MAGI1: variants seen among roughly 807,000 people sequenced by gnomAD.
The protein encoded by MAGI1 is membrane associated guanylate kinase, WW and PDZ domain containing 1.
In MAGI1, 58 loss-of-function variants were observed where a neutral mutation model predicts 139.9. That is an observed-to-expected ratio of 0.41 (90% CI 0.34 to 0.52). The LOEUF is 0.52. MAGI1 is among the 20% of genes least tolerant of loss of function. The pLI is 0.12. For missense variants in MAGI1, 1,874 were observed against 1,901.6 expected, an observed-to-expected ratio of 0.99 and a Z score of 0.27; for synonymous variants, 812 against 737.9, an observed-to-expected ratio of 1.10 and a Z score of -1.63.
At chr3:65,422,234 A>T (rs554887108) in intron 12 of MAGI1, among the ~76,000 whole-genome samples, 2 of 152,306 alleles carry the variant, frequency 1.3e-5, no homozygotes, top group South Asian at 4.2e-4. Flanking sequence ...ATCTTACATA[A>T]TTTTAATCAT....
At chr3:65,931,629 A>G (rs940235599) in intron 1 of MAGI1, among the ~76,000 whole-genome samples, 1 of 152,174 alleles carries the variant, frequency 6.6e-6, no homozygotes, top group Non-Finnish European at 1.5e-5. Flanking sequence ...GTGCTACTGC[A>G]CTCTAGCCCA....
intron 2 of MAGI1, among the ~76,000 whole-genome samples, chr3:65,597,264 T>G (rs998346104): frequency 3.8e-5 from 2 of 52,994 alleles, no homozygotes; most frequent in African/African-American, 7.5e-5. Context: ...CCCCTCCCCC[T>G]CCCACCCCCA....
intron 1 of MAGI1, among the ~76,000 whole-genome samples, chr3:66,010,645 A>T (rs75916364): frequency 2.1e-3 from 318 of 152,332 alleles, no homozygotes; most frequent in Non-Finnish European, 2.4e-3. Context: ...CATTAGTAGG[A>T]CAGCTCTTTG....
intron 1 of MAGI1, among the ~76,000 whole-genome samples, chr3:65,735,356 CGTGTGT>C (rs368243061): frequency 9.9e-4 from 147 of 148,182 alleles, no homozygotes; most frequent in African/African-American, 3.6e-3. Flanking sequence ...TGTGTCTGCA[CGTGTGT>C]GTGTGTGTGT....
intron 4 of MAGI1, among the ~76,000 whole-genome samples, chr3:65,477,022 C>T (rs28588268): frequency 0.011 from 1,664 of 152,232 alleles, 32 homozygotes; most frequent in African/African-American, 0.038. Context: ...AGGGGAAACT[C>T]AGACATGATC....
chr3:65,899,073 CACCACCACGCTCAGCTAATTTTTT>C (rs1459277696), intron 1 of MAGI1, among the ~76,000 whole-genome samples: 1 of 152,040 alleles, frequency 6.6e-6, no homozygotes, highest in African/African-American at 2.4e-5. Context: ...AGGCACACAC[CACCACCACGCTCAGCTAATTTTTT>C]TGTAGAGACG....
chr3:65,920,923 G>A (rs1263656634), intron 1 of MAGI1, among the ~76,000 whole-genome samples: 3 of 152,000 alleles, frequency 2.0e-5, no homozygotes, highest in Non-Finnish European at 4.4e-5. Context: ...CAGCTACTCA[G>A]GAGGCTGAGG....
intron 1 of MAGI1, among the ~76,000 whole-genome samples, chr3:65,785,541 T>C (rs1015514896): frequency 6.6e-6 from 1 of 152,228 alleles, no homozygotes; most frequent in Non-Finnish European, 1.5e-5. Context: ...TACAAGAGGT[T>C]ATACAAACTT....
At chr3:65,998,368 G>T (rs2066567918) in intron 1 of MAGI1, among the ~76,000 whole-genome samples, 1 of 152,168 alleles carries the variant, frequency 6.6e-6, no homozygotes, top group Non-Finnish European at 1.5e-5. Context: ...GTTTAGGGTA[G>T]TTTGTTACAT....
intron 1 of MAGI1, among the ~76,000 whole-genome samples, chr3:65,844,669 A>C (rs1236416226): frequency 6.6e-6 from 1 of 152,212 alleles, no homozygotes; most frequent in South Asian, 2.1e-4. Context: ...ACAGGGGTCC[A>C]GAGAAGCAGT....
chr3:65,485,341 T>G (rs1319883948), intron 3 of MAGI1, among the ~76,000 whole-genome samples: 1 of 152,140 alleles, frequency 6.6e-6, no homozygotes, highest in Non-Finnish European at 1.5e-5. Flanking sequence ...TAATTAGCAG[T>G]TTGTTCTTGC....
intron 1 of MAGI1, among the ~76,000 whole-genome samples, chr3:66,016,419 A>T (rs2067640307): frequency 6.6e-6 from 1 of 152,190 alleles, no homozygotes; most frequent in African/African-American, 2.4e-5. Flanking sequence ...TACTGAGCAT[A>T]CAGCCTCCAA....
chr3:65,499,076 A>C, intron 2 of MAGI1: 2 of 941,382 alleles, frequency 2.1e-6, no homozygotes, highest in Non-Finnish European at 2.5e-6. Flanking sequence ...AAAAAAAACA[A>C]AAAACTCTCA....
intron 1 of MAGI1, among the ~76,000 whole-genome samples, chr3:66,029,217 C>G (rs760944436): frequency 6.6e-6 from 1 of 152,144 alleles, no homozygotes; most frequent in African/African-American, 2.4e-5. Flanking sequence ...ATTTGTGGAT[C>G]ATTTTATGAG....
intron 4 of MAGI1, among the ~76,000 whole-genome samples, chr3:65,478,022 A>T (rs928290137): frequency 3.3e-5 from 5 of 152,072 alleles, no homozygotes; most frequent in African/African-American, 1.2e-4. Flanking sequence ...GCATATATAG[A>T]TATAATGTTA....
intron 1 of MAGI1, among the ~76,000 whole-genome samples, chr3:65,988,510 A>G (rs937441404): frequency 6.6e-6 from 1 of 152,220 alleles, no homozygotes; most frequent in Non-Finnish European, 1.5e-5. Context: ...GAATCTACCT[A>G]CAAATGAGGG....
Position 65,554,995 on chromosome 3 carries a change from A to C in MAGI1, c.431-61364T>G, listed in dbSNP as rs2037671. ...TACTGTACATGTTAATAGTACATGG[A>C]TTAGTTAATAGCCAATGTTAATTTC... is the stretch of plus-strand genomic sequence containing the variant. On this transcript the variant is annotated intron_variant, in intron 2 of 22. Coordinates refer to ENST00000402939, the MANE Select transcript of MAGI1 (RefSeq NM_001033057.2). Among the ~76,000 whole-genome samples, 1,145 of 152,088 alleles carry C rather than the reference A, an allele frequency of 7.5e-3. 22 individuals are homozygous for C. The highest frequency in any genetic ancestry group is 0.021 in the African/African-American group (873 of 41,512).
chr3:65,798,115 C>T (rs1054579736), intron 1 of MAGI1, among the ~76,000 whole-genome samples: 4 of 152,100 alleles, frequency 2.6e-5, no homozygotes, highest in Admixed American at 6.6e-5. Context: ...ACCATCCTGG[C>T]CAACATGGTG....
At chr3:65,689,215 A>C (rs1295243245) in intron 1 of MAGI1, among the ~76,000 whole-genome samples, 1 of 152,162 alleles carries the variant, frequency 6.6e-6, no homozygotes, top group Non-Finnish European at 1.5e-5. Context: ...AAAGCATTCC[A>C]CCTTACTGCT....
Sources: allele counts gnomAD v4.1 joint callset (sites outside exome capture counted in the v4.1 genomes callset), GRCh38; gene constraint gnomAD v4.1.1; transcripts MANE v1.5; gene names NCBI Gene and HGNC (gene_info 2026-07-23, HGNC 2026-07-21).